VTI1A: variants seen among roughly 807,000 people sequenced by gnomAD.
VTI1A encodes the protein vesicle transport through interaction with t-SNAREs 1A.
Under a neutral mutation model 34.9 loss-of-function variants are expected in VTI1A, and 22 were observed. The ratio of observed to expected loss-of-function variants is 0.63; its 90% CI spans 0.45 to 0.90. VTI1A has a LOEUF of 0.90. VTI1A is among the 40% of genes least tolerant of loss of function. The pLI, the probability that VTI1A is intolerant of heterozygous loss-of-function variation, is 0.00. For missense variants in VTI1A, 268 were observed against 275.6 expected (o/e 0.97, Z 0.20); for synonymous variants, 87 against 97.3 (o/e 0.89, Z 0.62).
chr10:112,702,449 T>C (rs1231492357), intron 7 of VTI1A, among the ~76,000 whole-genome samples: 1 of 152,216 alleles, frequency 6.6e-6, no homozygotes, highest in East Asian at 1.9e-4. Flanking sequence ...AGACAGAGTC[T>C]TGCTCTGCTG....
intron 5 of VTI1A, among the ~76,000 whole-genome samples, chr10:112,612,733 C>A (rs1364559953): frequency 1.3e-5 from 2 of 152,148 alleles, no homozygotes; most frequent in African/African-American, 4.8e-5. Flanking sequence ...CCACAAGTAC[C>A]TTTTCAAAGA....
chr10:112,594,284 G>A (rs1006281081), intron 5 of VTI1A, among the ~76,000 whole-genome samples: 4 of 152,176 alleles, frequency 2.6e-5, no homozygotes, highest in African/African-American at 7.2e-5. Flanking sequence ...TCATAACCCC[G>A]GAAGTTTTAA....
At chr10:112,830,845 A>ATTTTTTTTTTTTTT in the VTI1A span, among the ~76,000 whole-genome samples, 2 of 42,032 alleles carry the variant, frequency 4.8e-5, no homozygotes, top group African/African-American at 2.0e-4. Flanking sequence ...ATATATATAT[A>ATTTTTTTTTTTTTT]TATATTTTTT....
intron 7 of VTI1A, chr10:112,677,839 C>G (rs1177341814): frequency 6.6e-6 from 1 of 152,234 alleles, no homozygotes; most frequent in Non-Finnish European, 1.5e-5. Flanking sequence ...GCTATAGGAC[C>G]AGTTGTCTTC....
chr10:112,678,051 A>G lies in VTI1A; in HGVS notation c.560+9053A>G, dbSNP rs144344839. On this transcript the variant is annotated intron_variant, in intron 7 of 7. Transcript: ENST00000393077. ...GTGGAAACCCTGCGGGTTTTTATCT[A>G]TTGCACTTTGGCTACATGTAAACAT... Among the ~76,000 whole-genome samples, 33 of 152,338 alleles carry G rather than the reference A, an allele frequency of 2.2e-4. No homozygotes were observed. In the East Asian group the frequency reaches 3.9e-3, roughly 18 times the overall value.
intron 7 of VTI1A, among the ~76,000 whole-genome samples, chr10:112,779,942 G>A (rs1400024394): frequency 1.3e-5 from 2 of 151,886 alleles, no homozygotes; most frequent in Non-Finnish European, 1.5e-5. Context: ...TTATTTTTCT[G>A]TTACAAGCTA....
chr10:112,839,498 GC>G, the VTI1A span, among the ~76,000 whole-genome samples: 1 of 150,184 alleles, frequency 6.7e-6, no homozygotes, highest in Non-Finnish European at 1.5e-5. Context: ...TCTGAGTGAT[GC>G]CATCTGAGCT....
intron 5 of VTI1A, among the ~76,000 whole-genome samples, chr10:112,546,423 T>C (rs991041711): frequency 6.6e-6 from 1 of 152,056 alleles, no homozygotes; most frequent in African/African-American, 2.4e-5. Context: ...ATCAATTAAA[T>C]TTTACAAATG....
rs1590110154 is a variant in VTI1A, at chr10:112,718,028, ACT to A, written c.560+49032_560+49033del. The stretch of plus-strand genomic sequence containing the variant: ...TCAGTGCACACACACAAACCACAAA[ACT>A]CCTGTTGTCTGAATGAGAGTCAGTC... On this transcript the variant is annotated intron_variant, in intron 7 of 7. Transcript: ENST00000393077. Among the ~76,000 whole-genome samples, 3 of 151,546 alleles carry A rather than the reference ACT, an allele frequency of 2.0e-5. No homozygotes were observed. In the East Asian group the frequency reaches 5.8e-4, roughly 29 times the overall value.
At chr10:112,498,414 A>G (rs529419764) in intron 3 of VTI1A, among the ~76,000 whole-genome samples, 2 of 152,280 alleles carry the variant, frequency 1.3e-5, no homozygotes, top group East Asian at 3.9e-4. Context: ...TACTTGATTT[A>G]TCCACAGATT....
At chr10:112,538,387 A>ACT in intron 5 of VTI1A, 57 bp downstream of exon 5, 1 of 1,501,970 alleles carries the variant, frequency 6.7e-7, no homozygotes, top group East Asian at 2.3e-5. Flanking sequence ...TCTTCACAAC[A>ACT]CATGACATTT....
chr10:112,566,043 A>C (rs1179078791), intron 5 of VTI1A, among the ~76,000 whole-genome samples: 3 of 152,076 alleles, frequency 2.0e-5, no homozygotes, highest in East Asian at 3.8e-4. Flanking sequence ...ACATTAAAAC[A>C]ACTTTAAAGT....
At chr10:112,700,148 A>C (rs1164694210) in intron 7 of VTI1A, among the ~76,000 whole-genome samples, 12 of 150,210 alleles carry the variant, frequency 8.0e-5, no homozygotes, top group African/African-American at 1.5e-4. Flanking sequence ...AAACAAAAAA[A>C]AAAAAACACT....
intron 3 of VTI1A, among the ~76,000 whole-genome samples, chr10:112,513,730 G>A (rs1849687711): frequency 5.5e-5 from 1 of 18,328 alleles, no homozygotes; most frequent in South Asian, 1.5e-3. Flanking sequence ...AATCTGTTGA[G>A]GTTTTTTTAT....
the VTI1A span, among the ~76,000 whole-genome samples, chr10:112,850,104 T>C: frequency 6.6e-6 from 1 of 152,222 alleles, no homozygotes; most frequent in South Asian, 2.1e-4. Context: ...GGAGGGTTTT[T>C]CTCTCCGTGA....
chr10:112,821,575 G>A (rs1331266635), downstream of VTI1A, among the ~76,000 whole-genome samples: 3 of 152,208 alleles, frequency 2.0e-5, no homozygotes, highest in Admixed American at 6.5e-5. Flanking sequence ...CCAGGCCATA[G>A]AGGCATCCTG....
the VTI1A span, among the ~76,000 whole-genome samples, chr10:112,852,176 A>G: frequency 6.6e-6 from 1 of 152,200 alleles, no homozygotes; most frequent in Admixed American, 6.5e-5. Flanking sequence ...TAAATATGTT[A>G]TAATATAAGA....
chr10:112,453,899 T>C (rs189201565), intron 1 of VTI1A, among the ~76,000 whole-genome samples: 124 of 152,350 alleles, frequency 8.1e-4, no homozygotes, highest in Non-Finnish European at 1.1e-3. Flanking sequence ...GAAATTCACA[T>C]GTATATACTA....
chr10:112,499,434 G>A lies in VTI1A; in HGVS notation c.265-27653G>A, dbSNP rs376118215. Reference sequence around the variant, plus strand: ...TTTCATGTCATTGTTGTTTTGACTTGTCATCTCTTTATTTTCTCTGGTTAA... The same window carrying A: ...TTTCATGTCATTGTTGTTTTGACTTATCATCTCTTTATTTTCTCTGGTTAA... On this transcript the variant is annotated intron_variant, in intron 3 of 7. Coordinates refer to ENST00000393077, the MANE Select transcript of VTI1A (RefSeq NM_145206.4). Among the ~76,000 whole-genome samples, 25 of 152,116 alleles carry A rather than the reference G, an allele frequency of 1.6e-4. No individual in the cohort carries two copies. The South Asian group carries it at 4.6e-3, about 28-fold the overall frequency.
Sources: gnomAD v4.1 joint callset for allele counts (sites outside exome capture counted in the v4.1 genomes callset) on GRCh38, gnomAD v4.1.1 for gene constraint, MANE v1.5 for transcripts, NCBI Gene and HGNC (gene_info 2026-07-23, HGNC 2026-07-21) for gene names.